UNC5A: variants seen among roughly 807,000 people sequenced by gnomAD.
The protein encoded by UNC5A is unc-5 netrin receptor A.
In UNC5A, 20 loss-of-function variants were observed where a neutral mutation model predicts 87.4. The observed-to-expected ratio is 0.23, with a 90% CI of 0.16 to 0.33. The LOEUF (loss-of-function observed/expected upper bound fraction) is 0.33. Ranked by LOEUF, UNC5A falls within the 10% of genes least tolerant of loss-of-function variation. The probability of loss-of-function intolerance (pLI) is 1.00; values close to 1 mark genes in which losing one functional copy is unlikely to be tolerated. For synonymous variants in UNC5A, 438 were observed against 482.3 expected (o/e 0.91, Z 1.20); for missense variants, 844 against 1,133.4 (o/e 0.74, Z 3.67).
rs371270577 is a variant in UNC5A at position 176,874,020 on chromosome 5, C to T, written c.939C>T (p.Ala313=). The change falls in exon 7 of 15, where the codon GCC becomes GCT. Residue 313 remains alanine (A), a synonymous_variant. Transcript: ENST00000329542. This position sits in a 1 kb window ranked among gnomAD's most constrained non-coding sequence, Gnocchi z 7.6. ...TCTATGTGGGCCTCATCGCCGTGGC[C>T]GTCTGCCTGGTCCTGCTGCTGCTTG... ...VALYVGLIAV[A]VCLVLLLLVL... 22 of 1,613,934 alleles carry T rather than the reference C, an allele frequency of 1.4e-5. No homozygotes were observed. Among genetic ancestry groups the T allele is most frequent in the South Asian group, 2.2e-5 (2 of 91,090 alleles).
In UNC5A at chr5:176,841,469, A is replaced by G. The variant is rs1234615373; in HGVS notation, c.71-21155A>G. On this transcript the variant is annotated intron_variant, in intron 1 of 14. Coordinates refer to ENST00000329542, the MANE Select transcript of UNC5A (RefSeq NM_133369.3). This position sits in a 1 kb window ranked among gnomAD's most constrained non-coding sequence, Gnocchi z 4.1. ...GCTGCCTGGCTGTCCCATGTGCAGC[A>G]GTGTGGCTGTGGACATGTTATTGAT... Among the ~76,000 whole-genome samples, 2 of 152,246 alleles carry G rather than the reference A, an allele frequency of 1.3e-5. No homozygotes were observed. Among genetic ancestry groups the G allele is most frequent in the African/African-American group, 4.8e-5 (2 of 41,458 alleles).
Position 176,862,824 on chromosome 5 carries a change from C to G in UNC5A, c.271C>G (p.Arg91Gly). 1.9e-6 allele frequency: 3 copies of G among 1,613,136 alleles called. No homozygotes were observed. The highest frequency in any genetic ancestry group is 2.5e-6 in the Non-Finnish European group (3 of 1,179,858). The change falls in exon 2 of 15, where the codon CGC (arginine) becomes GGC (glycine). Residue 91 changes from arginine (R) to glycine (G), a missense_variant. Arg to Gly is a moderately radical substitution (Grantham distance 125, BLOSUM62 -2). Transcript: ENST00000329542. Reference sequence around the variant, plus strand: ...GCGCCAGGTGGACCACGTGATCGAGCGCAGCACAGACGGGAGCAGTGGTGA... The same window carrying G: ...GCGCCAGGTGGACCACGTGATCGAGGGCAGCACAGACGGGAGCAGTGGTGA... ...WVRQVDHVIERSTDGSSGLPT... is the reference protein window; with the variant it reads ...WVRQVDHVIEGSTDGSSGLPT...
Position 176,878,463 on chromosome 5 carries a change from C to T in UNC5A, c.2020-12C>T, listed in dbSNP as rs1351300319. 2 of 1,611,832 alleles carry T rather than the reference C, an allele frequency of 1.2e-6. No individual in the cohort carries two copies. Among genetic ancestry groups the T allele is most frequent in the Admixed American group, 1.7e-5 (1 of 59,992 alleles). On this transcript the variant is annotated splice_polypyrimidine_tract_variant and intron_variant, in intron 12 of 14. Coordinates refer to ENST00000329542, the MANE Select transcript of UNC5A (RefSeq NM_133369.3). ...GGGCTCACCTGACACCTCCTCTCTG[C>T]ATCCCCATCAGGAGATCCCCTTTTA... is the stretch of plus-strand genomic sequence containing the variant.
At position 176,865,240 on chromosome 5, in the gene UNC5A, G is replaced by C. The variant is rs868435631; in HGVS notation, c.292+2395G>C. Among the ~76,000 whole-genome samples, 4 of 152,210 alleles carry C rather than the reference G, an allele frequency of 2.6e-5. No individual in the cohort carries two copies. The highest frequency in any genetic ancestry group is 3.2e-3 in the Middle Eastern group (1 of 316). On this transcript the variant is annotated intron_variant, in intron 2 of 14. Coordinates refer to ENST00000329542, the MANE Select transcript of UNC5A (RefSeq NM_133369.3). This position sits in a 1 kb window ranked among gnomAD's most constrained non-coding sequence, Gnocchi z 5.3. ...CAGAGAGCTGCTCTCCTGCAGCCTG[G>C]AAGCTCCAGTCCAGCCCCCTGCTGC...
chr5:176,877,317 C>A (rs747145963), intron 9 of UNC5A, 38 bp downstream of exon 9: 6 of 1,566,624 alleles, frequency 3.8e-6, no homozygotes, highest in Non-Finnish European at 5.2e-6. Flanking sequence ...GTGGGAGGGA[C>A]CTGCCTGCTG....
Position 176,879,976 on chromosome 5 carries a change from G to T in UNC5A, c.*90G>T. ...CGGACAGGGGCCCTTCCCCACACCGGGGAGAGCTGCTCGGACAGGCCCCCT... is the reference window on the plus strand; with the variant it reads ...CGGACAGGGGCCCTTCCCCACACCGTGGAGAGCTGCTCGGACAGGCCCCCT... On this transcript the variant is annotated 3_prime_UTR_variant, in exon 15 of 15. Coordinates refer to ENST00000329542, the MANE Select transcript of UNC5A (RefSeq NM_133369.3). 1 of 1,469,954 alleles carries T rather than the reference G, an allele frequency of 6.8e-7. No individual in the cohort carries two copies. The highest frequency in any genetic ancestry group is 2.5e-5 in the East Asian group (1 of 40,454). 91.1% of individuals were successfully genotyped at this position (1,469,954 alleles called of 1,614,324 possible).
rs546683739 is a variant in UNC5A, at chr5:176,875,758, G to A, written c.1378+1192G>A. 3.4e-4 allele frequency among the ~76,000 whole-genome samples: 51 copies of A among 152,108 alleles called. No individual in the cohort carries two copies. The highest frequency in any genetic ancestry group is 7.9e-4 in the African/African-American group (33 of 41,518). On this transcript the variant is annotated intron_variant, in intron 8 of 14. Coordinates refer to ENST00000329542, the MANE Select transcript of UNC5A (RefSeq NM_133369.3). This position sits in a 1 kb window ranked among gnomAD's most constrained non-coding sequence, Gnocchi z 5.2. ...CCCTCACACACATCGTCCCGCACAC[G>A]GCAGCCACCATGGACTCAACATCCC...
rs1190586677 is a variant in UNC5A at position 176,877,186 on chromosome 5, T to C, written c.1379-6T>C. 5.0e-6 allele frequency: 8 copies of C among 1,608,208 alleles called. No individual in the cohort carries two copies. The highest frequency in any genetic ancestry group is 6.0e-6 in the Non-Finnish European group (7 of 1,175,768). On this transcript the variant is annotated splice_region_variant and splice_polypyrimidine_tract_variant and intron_variant, in intron 8 of 14. Transcript: ENST00000329542. ...GTAAGCCCTGGCCCTCTTCCTGCCG[T>C]TCCAGGAATCAGCCTCCTCATCCCC...
chr5:176,831,885 C>CTCTTTT (rs1561644956), intron 1 of UNC5A, among the ~76,000 whole-genome samples: 1 of 27,664 alleles, frequency 3.6e-5, no homozygotes, highest in African/African-American at 6.1e-5. Flanking sequence ...TTCTCTCTCT[C>CTCTTTT]TTTTTTTTTT....
intron 1 of UNC5A, among the ~76,000 whole-genome samples, chr5:176,858,248 G>A (rs1023669101): frequency 2.0e-5 from 3 of 152,232 alleles, no homozygotes; most frequent in Non-Finnish European, 4.4e-5. Flanking sequence ...GATGCAGAGA[G>A]GGTGAGATGG....
At chr5:176,834,286 T>A (rs1449044629) in intron 1 of UNC5A, among the ~76,000 whole-genome samples, 1 of 152,186 alleles carries the variant, frequency 6.6e-6, no homozygotes, top group African/African-American at 2.4e-5. Context: ...ACAGGAGAAG[T>A]GGCTCCCAGT....
At position 176,873,869 on chromosome 5, in the gene UNC5A, CG is replaced by C. The variant is rs1020583723; in HGVS notation, c.887-95del. 8 of 1,312,260 alleles carry C rather than the reference CG, an allele frequency of 6.1e-6. No homozygotes were observed. The African/African-American group carries it at 7.3e-5, about 12-fold the overall frequency. 81.3% of individuals were successfully genotyped at this position (1,312,260 alleles called of 1,614,324 possible). ...TGCTCCCTAGCTAGTGCAGATGCCCCGGGGTGCAGACCTCATCCTCCTGGGG... is the reference window on the plus strand; with the variant it reads ...TGCTCCCTAGCTAGTGCAGATGCCCCGGGTGCAGACCTCATCCTCCTGGGG... On this transcript the variant is annotated intron_variant, in intron 6 of 14. Transcript: ENST00000329542.
chr5:176,851,492 C>T (rs1048893600), intron 1 of UNC5A, among the ~76,000 whole-genome samples: 2 of 152,246 alleles, frequency 1.3e-5, no homozygotes, highest in Admixed American at 6.5e-5. Context: ...ATATGTGGGA[C>T]AGGGTCTTTA....
intron 4 of UNC5A, 31 bp from the exon 5 acceptor site, chr5:176,868,753 T>A (rs755449111): frequency 6.3e-7 from 1 of 1,587,020 alleles, no homozygotes; most frequent in African/African-American, 1.3e-5. Flanking sequence ...CAGCATGGGC[T>A]GGCAGTACAT....
rs1390275955 is a variant in UNC5A, at chr5:176,824,012, G to A, written c.70+13192G>A. 6.6e-6 allele frequency among the ~76,000 whole-genome samples: 1 copy of A among 152,240 alleles called. No individual in the cohort carries two copies. Among genetic ancestry groups the A allele is most frequent in the Non-Finnish European group, 1.5e-5 (1 of 68,048 alleles). On this transcript the variant is annotated intron_variant, in intron 1 of 14. Transcript: ENST00000329542. This position sits in a 1 kb window ranked among gnomAD's most constrained non-coding sequence, Gnocchi z 4.2. ...AGAACCCAGCCTCTCCCTGGAGAAA[G>A]CACCTGTCCCAGCTGGCGAATGGTC...
At position 176,862,739 on chromosome 5, in the gene UNC5A, G is replaced by C; in HGVS notation, c.186G>C (p.Leu62=). 6.2e-7 allele frequency: 1 copy of C among 1,613,668 alleles called. No homozygotes were observed. The highest frequency in any genetic ancestry group is 8.5e-7 in the Non-Finnish European group (1 of 1,180,002). ...DVYIVKNKPV[L]LVCKAVPATQ... ...ACATCGTCAAGAACAAGCCAGTGCT[G>C]CTTGTGTGCAAGGCCGTGCCCGCCA... Residue 62 remains leucine, a synonymous_variant, in exon 2 of 15, where the codon CTG becomes CTC. Coordinates refer to ENST00000329542, the MANE Select transcript of UNC5A (RefSeq NM_133369.3).
chr5:176,868,472 C>A, intron 3 of UNC5A, 89 bp from the exon 4 acceptor site: 2 of 1,477,794 alleles, frequency 1.4e-6, no homozygotes, highest in Non-Finnish European at 1.8e-6. Context: ...TGCCATGTGC[C>A]ACGGCCCCTG....
chr5:176,816,320 C>A (rs1187105402), intron 1 of UNC5A, among the ~76,000 whole-genome samples: 1 of 152,232 alleles, frequency 6.6e-6, no homozygotes, highest in African/African-American at 2.4e-5. Context: ...GAGTCCCAAC[C>A]CCTAGGCCAG....
chr5:176,863,716 T>A (rs1279853206), intron 2 of UNC5A, among the ~76,000 whole-genome samples: 1 of 76,104 alleles, frequency 1.3e-5, no homozygotes, highest in Non-Finnish European at 2.6e-5. Context: ...CTTCTCCTCC[T>A]CCCCCTCCTC....
Sources: allele counts gnomAD v4.1 joint callset (sites outside exome capture counted in the v4.1 genomes callset), GRCh38; gene constraint gnomAD v4.1.1; non-coding constraint Gnocchi (gnomAD v3.1); transcripts MANE v1.5; gene names NCBI Gene and HGNC (gene_info 2026-07-23, HGNC 2026-07-21).